Variants in ZNF814 observed in about 807,000 individuals in gnomAD.
ZNF814 encodes zinc finger protein 814.
In ZNF814, 5 loss-of-function variants were observed where a neutral mutation model predicts 7.5. That is an observed-to-expected ratio of 0.67 (90% CI 0.35 to 1.40). The LOEUF is 1.40. ZNF814 is among the 40% of genes most tolerant of loss of function. ZNF814 has a pLI of 0.04. For missense variants in ZNF814, 962 were observed against 1,018.0 expected (o/e 0.94, Z 0.75); for synonymous variants, 315 against 340.7 (o/e 0.92, Z 0.83).
the ZNF814 span, among the ~76,000 whole-genome samples, chr19:57,900,907 A>G: frequency 2.5e-4 from 30 of 120,050 alleles, no homozygotes; most frequent in Non-Finnish European, 3.8e-4. Flanking sequence ...GAGTGCAGTG[A>G]CCAATCTCGG....
the ZNF814 span, among the ~76,000 whole-genome samples, chr19:57,902,802 A>G: frequency 9.9e-5 from 15 of 151,690 alleles, no homozygotes; most frequent in Non-Finnish European, 1.5e-4. Flanking sequence ...CTGGGACTAC[A>G]GGCGCCCACC....
At chr19:57,904,418 C>T in the ZNF814 span, among the ~76,000 whole-genome samples, 1 of 152,158 alleles carries the variant, frequency 6.6e-6, no homozygotes, top group Non-Finnish European at 1.5e-5. Context: ...TTGACTCTGC[C>T]AGACTTCATA....
At chr19:57,879,704 ACCCT>A (rs1435747760) in intron 1 of ZNF814, among the ~76,000 whole-genome samples, 1 of 149,152 alleles carries the variant, frequency 6.7e-6, no homozygotes, top group Non-Finnish European at 1.5e-5. Context: ...GGTGAAAACA[ACCCT>A]CCTTATATTC....
In ZNF814 at chr19:57,873,105, T is replaced by C. The variant is rs753745885; in HGVS notation, c.2285A>G (p.His762Arg). 7 of 1,613,964 alleles carry C rather than the reference T, an allele frequency of 4.3e-6. No individual in the cohort carries two copies. The East Asian group carries it at 1.3e-4, about 31-fold the overall frequency. The change falls in exon 3 of 3, where the codon CAT (histidine) becomes CGT (arginine). Residue 762 changes from histidine (H) to arginine (R), a missense_variant. His to Arg is a conservative substitution (Grantham distance 29). Transcript: ENST00000435989. ...SFTHSSTFCV[H>R]KRIHTGEKPY... ...CTTTTCTCCAGTGTGAATTCGCTTA[T>C]GAACACAGAATGTAGAGCTGTGGGT...
At position 57,874,647 on chromosome 19, in the gene ZNF814, C is replaced by T. The variant is rs776351865; in HGVS notation, c.743G>A (p.Gly248Glu). The change falls in exon 3 of 3, where the codon GGG (glycine) becomes GAG (glutamate). Residue 248 changes from glycine to glutamate, a missense_variant. Gly to Glu is a moderately conservative substitution (Grantham distance 98). Transcript: ENST00000435989. The part of the protein sequence containing the change: ...REECYVCCEC[G>E]KSFSKYASLS... ...GCTAGCATATTTGCTAAAGGACTTC[C>T]CACATTCACAGCACACATAACACTC... 1.3e-6 allele frequency: 2 copies of T among 1,555,962 alleles called. No homozygotes were observed. Among genetic ancestry groups the T allele is most frequent in the Non-Finnish European group, 1.7e-6 (2 of 1,148,934 alleles).
intron 2 of ZNF814, among the ~76,000 whole-genome samples, chr19:57,876,048 C>G (rs1440448031): frequency 7.1e-6 from 1 of 141,810 alleles, no homozygotes; most frequent in East Asian, 2.2e-4. Context: ...GCAACCTCCC[C>G]TCCTGGGTTC....
rs143558217 is a variant in ZNF814, at chr19:57,884,216, C to T, written c.36+4551G>A. ...ATGGGAGAAAATATCTGCAAACTAC[C>T]CATCTGCAAAGGGATTAATTACCAG... is the stretch of plus-strand genomic sequence containing the variant. On this transcript the variant is annotated intron_variant, in intron 1 of 2. Coordinates refer to ENST00000435989, the MANE Select transcript of ZNF814 (RefSeq NM_001144989.2). 4.0e-3 allele frequency among the ~76,000 whole-genome samples: 611 copies of T among 152,214 alleles called. 2 individuals carry two copies. Among genetic ancestry groups the T allele is most frequent in the African/African-American group, 0.014 (585 of 41,540 alleles).
At chr19:57,876,368 C>G (rs946284291) in intron 2 of ZNF814, 1 of 153,878 alleles carries the variant, frequency 6.5e-6, no homozygotes, top group Non-Finnish European at 1.4e-5. Flanking sequence ...CAATGATGAC[C>G]AAATACATGG....
In ZNF814 at chr19:57,887,246, C is replaced by T. The variant is rs117518536; in HGVS notation, c.36+1521G>A. 4.6e-5 allele frequency among the ~76,000 whole-genome samples: 7 copies of T among 152,298 alleles called. No individual in the cohort carries two copies. In the East Asian group the frequency reaches 1.4e-3, roughly 29 times the overall value. ...ACATCTAACCAGGTAAGGTCACAAA[C>T]AAGGAAACTCTTCCACTATCAGTTC... is the stretch of plus-strand genomic sequence containing the variant. On this transcript the variant is annotated intron_variant, in intron 1 of 2. Transcript: ENST00000435989.
upstream of ZNF814, among the ~76,000 whole-genome samples, chr19:57,891,032 G>A (rs564087649): frequency 6.6e-6 from 1 of 152,232 alleles, no homozygotes; most frequent in South Asian, 2.1e-4. Context: ...AGACGTTGCT[G>A]ATAAAACAGT....
rs57591690 is a variant in ZNF814, at chr19:57,869,942, C to CAAAAAAAAAAAAAAAAAAA, written c.*2879_*2880insTTTTTTTTTTTTTTTTTTT. ...CCTGGCTGACAGTGAGACTCTGTCT[C>CAAAAAAAAAAAAAAAAAAA]AAAAAAAAAAAAAAAAGGTTGGGCA... On this transcript the variant is annotated 3_prime_UTR_variant, in exon 3 of 3. Transcript: ENST00000435989. 18 of 133,382 alleles carry CAAAAAAAAAAAAAAAAAAA rather than the reference C, an allele frequency of 1.3e-4. No homozygotes were observed. Among genetic ancestry groups the CAAAAAAAAAAAAAAAAAAA allele is most frequent in the African/African-American group, 4.8e-4 (16 of 33,412 alleles). 8.3% of individuals were successfully genotyped at this position (133,382 alleles called of 1,614,324 possible). A position where few individuals can be genotyped will look rare whatever the true frequency, so the allele number is the denominator to read the frequency against.
At chr19:57,896,602 G>C in the ZNF814 span, among the ~76,000 whole-genome samples, 1 of 152,160 alleles carries the variant, frequency 6.6e-6, no homozygotes, top group African/African-American at 2.4e-5. This position sits in a 1 kb window ranked among gnomAD's most constrained non-coding sequence, Gnocchi z 4.2. Context: ...GGGAGACCTT[G>C]AAGCATGGCA....
intron 1 of ZNF814, among the ~76,000 whole-genome samples, chr19:57,884,776 G>A (rs1478680637): frequency 6.6e-6 from 1 of 152,110 alleles, no homozygotes; most frequent in Non-Finnish European, 1.5e-5. Context: ...GTGAGGATGT[G>A]AAGAAAAAGG....
intron 1 of ZNF814, among the ~76,000 whole-genome samples, chr19:57,885,646 A>G: frequency 6.6e-6 from 1 of 151,912 alleles, no homozygotes; most frequent in African/African-American, 2.4e-5. Context: ...AAAAAAAACA[A>G]AAAACAAAGA....
chr19:57,885,988 A>AC (rs2071689957), intron 1 of ZNF814: 1 of 151,086 alleles, frequency 6.6e-6, no homozygotes, highest in South Asian at 2.1e-4. Flanking sequence ...AAAAAAAAAA[A>AC]CAAAAAAACA....
chr19:57,874,067 ACATTCTTCACACC>A lies in ZNF814; in HGVS notation c.1310_1322del (p.Gly437ValfsTer30), dbSNP rs2071582250. 6.2e-7 allele frequency: 1 copy of A among 1,608,026 alleles called. No homozygotes were observed. ...GTCCTTCTGAACTAAAAGATTTCCC[ACATTCTTCACACC>A]CATAAGGTTTTTCTCCAGTGTGAAA... is the stretch of plus-strand genomic sequence containing the variant. On this transcript the variant is annotated frameshift_variant, in exon 3 of 3. Transcript: ENST00000435989. LOFTEE classifies it low-confidence loss of function (END_TRUNC).
chr19:57,889,126 C>T (rs542425100), upstream of ZNF814: 1 of 431,612 alleles, frequency 2.3e-6, no homozygotes, highest in South Asian at 7.4e-5. Context: ...AGGTCTTCTA[C>T]GCTATCATTC....
the ZNF814 span, among the ~76,000 whole-genome samples, chr19:57,896,440 G>A: frequency 1.3e-5 from 2 of 152,344 alleles, no homozygotes; most frequent in East Asian, 3.9e-4. This position sits in a 1 kb window ranked among gnomAD's most constrained non-coding sequence, Gnocchi z 4.2. Flanking sequence ...AGCTCCACCT[G>A]CTGAATTAAG....
rs754044506 is a variant in ZNF814, at chr19:57,873,666, GATCT to G, written c.1720_1723del (p.Arg574LeufsTer338). 3 of 1,613,744 alleles carry G rather than the reference GATCT, an allele frequency of 1.9e-6. No individual in the cohort carries two copies. The highest frequency in any genetic ancestry group is 2.5e-6 in the Non-Finnish European group (3 of 1,179,936). On this transcript the variant is annotated frameshift_variant, in exon 3 of 3. Coordinates refer to ENST00000435989, the MANE Select transcript of ZNF814 (RefSeq NM_001144989.2). LOFTEE classifies it low-confidence loss of function (END_TRUNC). ...TTTCCCACATTCTCCACACCCATAA[GATCT>G]TTCTCTAGGGTGAACTCGCTGATGT...
Sources: gnomAD v4.1 joint callset for allele counts (sites outside exome capture counted in the v4.1 genomes callset) on GRCh38, gnomAD v4.1.1 for gene constraint, Gnocchi (gnomAD v3.1) non-coding constraint, MANE v1.5 for transcripts, NCBI Gene and HGNC (gene_info 2026-07-23, HGNC 2026-07-21) for gene names.